DST: variants seen among roughly 807,000 people sequenced by gnomAD.
DST encodes bullous pemphigoid antigen.
In DST, 253 loss-of-function variants were observed where a neutral mutation model predicts 875.2. That is an observed-to-expected ratio of 0.29 (90% CI 0.26 to 0.32). The LOEUF is 0.32. Among genes scored for constraint, DST ranks in the 10% least tolerant of loss-of-function variants. The probability of loss-of-function intolerance (pLI) is 1.00; values close to 1 mark genes in which losing one functional copy is unlikely to be tolerated. For missense variants in DST, 8,287 were observed against 9,111.6 expected (o/e 0.91, Z 3.68); for synonymous variants, 3,124 against 3,197.1 (o/e 0.98, Z 0.77).
Position 56,696,871 on chromosome 6 carries a change from G to A in DST, c.1047+2782C>T, listed in dbSNP as rs181619370. 2.0e-5 allele frequency among the ~76,000 whole-genome samples: 3 copies of A among 152,108 alleles called. No individual in the cohort carries two copies. The East Asian group carries it at 5.8e-4, about 29-fold the overall frequency. Reference sequence around the variant, plus strand: ...TTCCTCAGCAGAATCTTTTCCCGCAGGCCTTCTCCAAATTTTTATCCTTAG... The same window carrying A: ...TTCCTCAGCAGAATCTTTTCCCGCAAGCCTTCTCCAAATTTTTATCCTTAG... On this transcript the variant is annotated intron_variant, in intron 9 of 103. Coordinates refer to ENST00000680361, the MANE Select transcript of DST (RefSeq NM_001374736.1).
intron 102 of DST, chr6:56,460,774 C>G (rs967255009): frequency 3.3e-5 from 5 of 152,100 alleles, no homozygotes; most frequent in African/African-American, 9.7e-5. Flanking sequence ...ATAAACTTAA[C>G]TGCAAAAAGA....
chr6:56,723,803 C>T (rs1589223588), intron 5 of DST, among the ~76,000 whole-genome samples: 1 of 152,146 alleles, frequency 6.6e-6, no homozygotes, highest in African/African-American at 2.4e-5. Context: ...GGTTCTCTCC[C>T]ACAGAATTTT....
At chr6:56,579,242 C>T (rs1172161494) in intron 49 of DST, among the ~76,000 whole-genome samples, 3 of 152,116 alleles carry the variant, frequency 2.0e-5, no homozygotes, top group Non-Finnish European at 4.4e-5. Flanking sequence ...CCCTTAACCC[C>T]TACTTCTAGG....
chr6:56,700,028 G>A (rs77091296), intron 8 of DST, among the ~76,000 whole-genome samples: 1,725 of 152,302 alleles, frequency 0.011, 28 homozygotes, highest in African/African-American at 0.039. Flanking sequence ...GGGCTGCATG[G>A]CAGCAGGTTA....
At chr6:56,539,393 T>C (rs4236141) in intron 61 of DST, among the ~76,000 whole-genome samples, 113,232 of 152,038 alleles carry the variant, frequency 0.74, 42,556 homozygotes, top group African/African-American at 0.83. Flanking sequence ...ATTTACTGCA[T>C]GTCTAAGAAA....
intron 45 of DST, among the ~76,000 whole-genome samples, chr6:56,599,555 A>C (rs2098423594): frequency 6.6e-6 from 1 of 152,122 alleles, no homozygotes; most frequent in African/African-American, 2.4e-5. Flanking sequence ...AGAGTCTGGA[A>C]TCTGAACCAG....
intron 4 of DST, among the ~76,000 whole-genome samples, chr6:56,807,369 T>C (rs1590875037): frequency 6.6e-6 from 1 of 152,296 alleles, no homozygotes; most frequent in Middle Eastern, 3.4e-3. Flanking sequence ...ATCAAAATCA[T>C]GGCAAACATT....
At chr6:56,475,717 A>T (rs1182806096) in intron 92 of DST, among the ~76,000 whole-genome samples, 1 of 152,212 alleles carries the variant, frequency 6.6e-6, no homozygotes, top group Admixed American at 6.5e-5. Context: ...ATGTGAACAT[A>T]ATGCATCCAC....
At chr6:56,777,235 ACT>A (rs1326806515) in intron 4 of DST, among the ~76,000 whole-genome samples, 1 of 152,146 alleles carries the variant, frequency 6.6e-6, no homozygotes, top group East Asian at 1.9e-4. Flanking sequence ...TTCTGAATAA[ACT>A]CTGAATCAAC....
intron 5 of DST, among the ~76,000 whole-genome samples, chr6:56,726,099 C>A (rs920374184): frequency 6.6e-6 from 1 of 152,158 alleles, no homozygotes; most frequent in Non-Finnish European, 1.5e-5. Context: ...TCAACAGCTT[C>A]CCTTTGAAGT....
chr6:56,856,774 G>C (rs1326259349), intron 3 of DST, among the ~76,000 whole-genome samples: 1 of 152,146 alleles, frequency 6.6e-6, no homozygotes, highest in African/African-American at 2.4e-5. Flanking sequence ...GGAAATTATT[G>C]TTAGTTTTCT....
chr6:56,670,143 T>C (rs1171274127), intron 10 of DST, among the ~76,000 whole-genome samples: 3 of 150,244 alleles, frequency 2.0e-5, no homozygotes, highest in African/African-American at 7.3e-5. Context: ...CGTGTGTGTG[T>C]GTGTGTGTGT....
chr6:56,585,300 AC>A (rs1377181030), intron 49 of DST, among the ~76,000 whole-genome samples: 1 of 151,746 alleles, frequency 6.6e-6, no homozygotes, highest in African/African-American at 2.4e-5. Context: ...CAGAGATTCA[AC>A]TTCTTCCTGG....
chr6:56,944,231 G>T (rs1818255405), intron 2 of DST, among the ~76,000 whole-genome samples: 1 of 152,174 alleles, frequency 6.6e-6, no homozygotes, highest in Admixed American at 6.5e-5. Context: ...AATTGAGAAT[G>T]AAACTGACTT....
intron 97 of DST, 78 bp from the exon 98 acceptor site, chr6:56,469,077 C>T: frequency 1.8e-6 from 2 of 1,104,374 alleles, no homozygotes; most frequent in Non-Finnish European, 2.6e-6. Context: ...AACATACACA[C>T]ATACTCACAC....
chr6:56,664,076 AAC>A (rs1182203317), intron 10 of DST, among the ~76,000 whole-genome samples: 2 of 152,092 alleles, frequency 1.3e-5, no homozygotes, highest in African/African-American at 4.8e-5. Flanking sequence ...AATCTCTTCA[AAC>A]ACACACACCT....
rs769912551 is a variant in DST, at chr6:56,642,751, G to A, written c.1779-248C>T. On this transcript the variant is annotated intron_variant, in intron 15 of 103. Coordinates refer to ENST00000680361, the MANE Select transcript of DST (RefSeq NM_001374736.1). Reference sequence around the variant, plus strand: ...AGTGCTGGTAGTGTTACTAAACACAGAATCACTGCTACGGTAACTATAACT... The same window carrying A: ...AGTGCTGGTAGTGTTACTAAACACAAAATCACTGCTACGGTAACTATAACT... 26 of 1,613,996 alleles carry A rather than the reference G, an allele frequency of 1.6e-5. No individual in the cohort carries two copies. The Admixed American group carries it at 4.2e-4, about 26-fold the overall frequency.
intron 75 of DST, among the ~76,000 whole-genome samples, chr6:56,507,351 A>C (rs1228957422): frequency 6.6e-6 from 1 of 152,204 alleles, no homozygotes; most frequent in Non-Finnish European, 1.5e-5. Flanking sequence ...AATAACCATA[A>C]ACCAAGCCCT....
chr6:56,812,692 T>C (rs1424021938), intron 4 of DST, among the ~76,000 whole-genome samples: 2 of 152,228 alleles, frequency 1.3e-5, no homozygotes, highest in Admixed American at 6.5e-5. Flanking sequence ...AACCTCACAA[T>C]ATACTACCAT....
Sources: gnomAD v4.1 joint callset for allele counts (sites outside exome capture counted in the v4.1 genomes callset) on GRCh38, gnomAD v4.1.1 for gene constraint, MANE v1.5 for transcripts, NCBI Gene and HGNC (gene_info 2026-07-23, HGNC 2026-07-21) for gene names.